CNTN5: variants seen among roughly 807,000 people sequenced by gnomAD.
The protein encoded by CNTN5 is contactin 5.
A neutral mutation model predicts 129.1 loss-of-function variants in CNTN5; 77 were observed. The ratio of observed to expected loss-of-function variants is 0.60; its 90% CI spans 0.50 to 0.72. The LOEUF (loss-of-function observed/expected upper bound fraction) is 0.72, where lower values mean the gene tolerates loss of function less well. CNTN5 is among the 30% of genes least tolerant of loss of function. The probability of loss-of-function intolerance (pLI) is 0.00; values close to 1 mark genes in which losing one functional copy is unlikely to be tolerated. For missense variants in CNTN5, 1,478 were observed against 1,328.8 expected (o/e 1.11, Z -1.75); for synonymous variants, 509 against 465.6 (o/e 1.09, Z -1.20).
intron 1 of CNTN5, among the ~76,000 whole-genome samples, chr11:99,301,996 AG>A: frequency 6.6e-6 from 1 of 151,840 alleles, no homozygotes; most frequent in Middle Eastern, 3.4e-3. Context: ...AAAGACAAAA[AG>A]CTTCAGTAGG....
chr11:99,376,862 A>T (rs943750208), intron 2 of CNTN5, among the ~76,000 whole-genome samples: 3 of 152,330 alleles, frequency 2.0e-5, no homozygotes, highest in East Asian at 1.9e-4. Flanking sequence ...TATTCTCATG[A>T]TGCACAATGA....
intron 1 of CNTN5, among the ~76,000 whole-genome samples, chr11:99,229,020 T>C (rs952938547): frequency 2.6e-5 from 4 of 152,054 alleles, no homozygotes; most frequent in African/African-American, 4.8e-5. Context: ...CATTTTCCAA[T>C]TTTTTCTACA....
intron 13 of CNTN5, among the ~76,000 whole-genome samples, chr11:100,181,866 A>G (rs565013609): frequency 6.6e-6 from 1 of 152,204 alleles, no homozygotes; most frequent in African/African-American, 2.4e-5. Context: ...TTGAAGACCT[A>G]AATAGATGGA....
chr11:99,994,085 GA>G (rs1315064269), intron 8 of CNTN5, among the ~76,000 whole-genome samples: 14 of 152,064 alleles, frequency 9.2e-5, no homozygotes, highest in Non-Finnish European at 1.5e-5. Context: ...AGGAACTCCA[GA>G]AGGCTGTATC....
At position 100,187,287 on chromosome 11, in the gene CNTN5, C is replaced by CAG. The variant is rs149703838; in HGVS notation, c.1581-3838_1581-3837dup. On this transcript the variant is annotated intron_variant, in intron 13 of 24. Coordinates refer to ENST00000524871, the MANE Select transcript of CNTN5 (RefSeq NM_014361.4). ...TTTATCAGTTCCAGGAGTCATTTGG[C>CAG]AGTCTTTAGGGTTTTCTAGGTATAG... 5.6e-3 allele frequency among the ~76,000 whole-genome samples: 852 copies of CAG among 152,078 alleles called. 11 individuals carry two copies. The highest frequency in any genetic ancestry group is 0.019 in the African/African-American group (788 of 41,478).
intron 3 of CNTN5, among the ~76,000 whole-genome samples, chr11:99,571,120 T>C (rs757922646): frequency 1.3e-4 from 20 of 152,198 alleles, no homozygotes; most frequent in African/African-American, 4.8e-4. Flanking sequence ...AAAGGCAGCC[T>C]GCTTTCTGCT....
intron 4 of CNTN5, among the ~76,000 whole-genome samples, chr11:99,823,295 G>C (rs1354947879): frequency 6.6e-6 from 1 of 151,984 alleles, no homozygotes; most frequent in Non-Finnish European, 1.5e-5. Flanking sequence ...TAGCTTTAAA[G>C]TTTCCTTTAT....
chr11:99,694,913 A>C (rs534923326), intron 3 of CNTN5, among the ~76,000 whole-genome samples: 1 of 152,254 alleles, frequency 6.6e-6, no homozygotes, highest in Non-Finnish European at 1.5e-5. Flanking sequence ...TTACTGATAA[A>C]TATAGAGATT....
chr11:99,467,494 T>A (rs568611580), intron 2 of CNTN5, among the ~76,000 whole-genome samples: 4 of 152,206 alleles, frequency 2.6e-5, no homozygotes, highest in African/African-American at 4.8e-5. Context: ...TTATCATGAA[T>A]GTCTGATCCT....
At chr11:99,351,557 C>A (rs975614605) in intron 2 of CNTN5, among the ~76,000 whole-genome samples, 1 of 152,066 alleles carries the variant, frequency 6.6e-6, no homozygotes, top group Non-Finnish European at 1.5e-5. Flanking sequence ...ATATAAAATA[C>A]CTAAGCATTA....
rs1866128355 is a variant in CNTN5 at position 99,334,294 on chromosome 11, T to C, written c.-71+8810T>C. Among the ~76,000 whole-genome samples, 5 of 152,216 alleles carry C rather than the reference T, an allele frequency of 3.3e-5. No homozygotes were observed. The South Asian group carries it at 1.0e-3, about 32-fold the overall frequency. On this transcript the variant is annotated intron_variant, in intron 2 of 24. Transcript: ENST00000524871. ...ACAGGACTATTCAATGAATTGAGAA[T>C]TGACAGCCCCATAGTAGCAGCTAAG...
chr11:99,470,950 T>A (rs1199677950), intron 2 of CNTN5, among the ~76,000 whole-genome samples: 3 of 152,124 alleles, frequency 2.0e-5, no homozygotes, highest in Non-Finnish European at 2.9e-5. Context: ...CCTGTAAGTC[T>A]TCATTAGTCA....
At chr11:99,471,410 T>C (rs1440814899) in intron 2 of CNTN5, among the ~76,000 whole-genome samples, 1 of 152,092 alleles carries the variant, frequency 6.6e-6, no homozygotes, top group Non-Finnish European at 1.5e-5. Context: ...CCACTTTTGC[T>C]TGGCCTGATA....
At chr11:99,913,079 T>C (rs577409977) in intron 6 of CNTN5, among the ~76,000 whole-genome samples, 7 of 152,194 alleles carry the variant, frequency 4.6e-5, no homozygotes, top group African/African-American at 1.7e-4. Flanking sequence ...TTGGTACATG[T>C]AACGTGTCAT....
chr11:99,920,305 A>G (rs2136030380), intron 7 of CNTN5, among the ~76,000 whole-genome samples: 1 of 152,228 alleles, frequency 6.6e-6, no homozygotes, highest in Non-Finnish European at 1.5e-5. Context: ...TAGTCCCCCA[A>G]GTGTCAGTAC....
At chr11:99,963,455 A>T (rs1159659955) in intron 8 of CNTN5, among the ~76,000 whole-genome samples, 2 of 152,120 alleles carry the variant, frequency 1.3e-5, no homozygotes, top group Non-Finnish European at 2.9e-5. Context: ...TTTGTCAAAG[A>T]TCAGATGATT....
At chr11:99,186,458 T>C (rs1365661894) in intron 1 of CNTN5, among the ~76,000 whole-genome samples, 1 of 152,020 alleles carries the variant, frequency 6.6e-6, no homozygotes, top group Non-Finnish European at 1.5e-5. Flanking sequence ...TAAGCTTTCA[T>C]GATTTCTTAA....
intron 3 of CNTN5, among the ~76,000 whole-genome samples, chr11:99,795,911 C>G (rs1300230186): frequency 6.6e-6 from 1 of 152,174 alleles, no homozygotes; most frequent in Non-Finnish European, 1.5e-5. Flanking sequence ...ATGTGCCAGC[C>G]AAAGTGCTTC....
At chr11:100,189,719 G>T (rs1404657053) in intron 13 of CNTN5, among the ~76,000 whole-genome samples, 1 of 151,998 alleles carries the variant, frequency 6.6e-6, no homozygotes, top group Non-Finnish European at 1.5e-5. Flanking sequence ...ACTATATAAT[G>T]AATAGAACTT....
Sources: allele counts gnomAD v4.1 joint callset (sites outside exome capture counted in the v4.1 genomes callset), GRCh38; gene constraint gnomAD v4.1.1; transcripts MANE v1.5; gene names NCBI Gene and HGNC (gene_info 2026-07-23, HGNC 2026-07-21).